STAMBPL1: variants seen among roughly 807,000 people sequenced by gnomAD.
STAMBPL1 encodes the protein STAM binding protein like 1, also known as AMSH-like protease.
In STAMBPL1, 44 loss-of-function variants were observed where a neutral mutation model predicts 52.9. The ratio of observed to expected loss-of-function variants is 0.83; its 90% confidence interval spans 0.65 to 1.07. The LOEUF (loss-of-function observed/expected upper bound fraction) is 1.07, where lower values mean the gene tolerates loss of function less well. Ranked by LOEUF, STAMBPL1 falls within the 50% of genes least tolerant of loss-of-function variation. The probability of loss-of-function intolerance (pLI) is 0.00; values close to 1 mark genes in which losing one functional copy is unlikely to be tolerated. For missense variants in STAMBPL1, 511 were observed against 520.8 expected, an observed-to-expected ratio of 0.98 and a Z score of 0.18; for synonymous variants, 164 against 177.3, an observed-to-expected ratio of 0.92 and a Z score of 0.60.
At chr10:88,919,438 A>T (rs76430793) in intron 8 of STAMBPL1, among the ~76,000 whole-genome samples, 1,547 of 152,308 alleles carry the variant, frequency 0.01, 24 homozygotes, top group African/African-American at 0.035. Context: ...ATTGGAATGG[A>T]CATAATTCCT....
intron 1 of STAMBPL1, among the ~76,000 whole-genome samples, chr10:88,892,629 G>A (rs1273157075): frequency 6.6e-6 from 1 of 152,150 alleles, no homozygotes; most frequent in Non-Finnish European, 1.5e-5. Flanking sequence ...ACTTTTTTCT[G>A]TTTCTGCCTA....
At chr10:88,887,883 T>C (rs1023682705) in intron 1 of STAMBPL1, among the ~76,000 whole-genome samples, 2 of 152,230 alleles carry the variant, frequency 1.3e-5, no homozygotes, top group African/African-American at 4.8e-5. Context: ...ACCACCCTTT[T>C]GAGAAGAATC....
intron 10 of STAMBPL1, among the ~76,000 whole-genome samples, chr10:88,922,962 A>C (rs1041440241): frequency 2.0e-5 from 3 of 152,146 alleles, no homozygotes; most frequent in African/African-American, 7.2e-5. Flanking sequence ...ATTTACTTAA[A>C]ATGAAAATTA....
At chr10:88,907,944 CATT>C (rs1308176683) in intron 3 of STAMBPL1, among the ~76,000 whole-genome samples, 1 of 152,152 alleles carries the variant, frequency 6.6e-6, no homozygotes, top group African/African-American at 2.4e-5. Flanking sequence ...ATTTACAGCT[CATT>C]ATGATTTATC....
At chr10:88,888,235 G>C (rs72809310) in intron 1 of STAMBPL1, among the ~76,000 whole-genome samples, 14,331 of 152,228 alleles carry the variant, frequency 0.094, 918 homozygotes, top group Non-Finnish European at 0.15. Flanking sequence ...AAGGGGAAAG[G>C]CTCAGATAAC....
chr10:88,887,242 A>G (rs1431472625), intron 1 of STAMBPL1, among the ~76,000 whole-genome samples: 3 of 152,226 alleles, frequency 2.0e-5, no homozygotes, highest in African/African-American at 7.2e-5. Flanking sequence ...CTAAATAAAT[A>G]AATTGATAAA....
intron 1 of STAMBPL1, among the ~76,000 whole-genome samples, chr10:88,894,370 T>G (rs1243460912): frequency 3.2e-5 from 3 of 92,722 alleles, no homozygotes; most frequent in East Asian, 3.2e-4. Flanking sequence ...TTTATACAGG[T>G]TTTTTTTTTG....
intron 6 of STAMBPL1, among the ~76,000 whole-genome samples, chr10:88,913,663 C>G (rs879552744): frequency 6.6e-6 from 1 of 151,980 alleles, no homozygotes; most frequent in Non-Finnish European, 1.5e-5. Flanking sequence ...ATGATGCCCC[C>G]GATAGAGCAG....
At chr10:88,897,569 G>A (rs940313787) in intron 1 of STAMBPL1, among the ~76,000 whole-genome samples, 14 of 152,178 alleles carry the variant, frequency 9.2e-5, no homozygotes, top group African/African-American at 2.9e-4. Context: ...AGAATGTGAG[G>A]TAGAGGTCAG....
At chr10:88,898,684 A>G (rs913312826) in intron 1 of STAMBPL1, among the ~76,000 whole-genome samples, 9 of 152,188 alleles carry the variant, frequency 5.9e-5, no homozygotes, top group Admixed American at 2.0e-4. Context: ...TGTTTAAGAT[A>G]TGTTTAAACA....
chr10:88,900,132 A>T (rs1484328459), intron 1 of STAMBPL1, among the ~76,000 whole-genome samples: 9 of 152,194 alleles, frequency 5.9e-5, no homozygotes, highest in African/African-American at 7.2e-5. Flanking sequence ...TGGAGGGGAA[A>T]GACTGGAATA....
chr10:88,901,827 C>T, intron 2 of STAMBPL1, 89 bp downstream of exon 2: 2 of 1,338,608 alleles, frequency 1.5e-6, no homozygotes, highest in Non-Finnish European at 2.1e-6. Context: ...GTCACAATTA[C>T]TTTAAGAAGT....
At chr10:88,903,494 A>AG (rs1844997372) in intron 2 of STAMBPL1, among the ~76,000 whole-genome samples, 1 of 152,244 alleles carries the variant, frequency 6.6e-6, no homozygotes, top group Non-Finnish European at 1.5e-5. Context: ...TACAGAAATA[A>AG]TTATAACTCA....
intron 1 of STAMBPL1, chr10:88,882,132 ATAAAG>A (rs1178706236): frequency 1.3e-5 from 2 of 152,234 alleles, no homozygotes; most frequent in Middle Eastern, 3.2e-3. Flanking sequence ...ATCCTCACCT[ATAAAG>A]TAAGCACCAA....
intron 1 of STAMBPL1, chr10:88,882,872 T>C (rs950499985): frequency 6.6e-6 from 1 of 152,162 alleles, no homozygotes; most frequent in Non-Finnish European, 1.5e-5. Flanking sequence ...TTTTTATTAT[T>C]ATTGTACTTT....
chr10:88,882,950 G>A (rs560630690), intron 1 of STAMBPL1: 3 of 151,772 alleles, frequency 2.0e-5, no homozygotes, highest in South Asian at 2.1e-4. Context: ...ATGTTGGTGT[G>A]CTGCACCCAT....
intron 1 of STAMBPL1, among the ~76,000 whole-genome samples, chr10:88,886,745 T>A (rs1057385045): frequency 6.6e-6 from 1 of 152,198 alleles, no homozygotes; most frequent in African/African-American, 2.4e-5. Context: ...GCCTGCCTGT[T>A]TTGCATTTGG....
intron 10 of STAMBPL1, 59 bp from the exon 11 acceptor site, chr10:88,923,109 A>G (rs1252072140): frequency 1.6e-6 from 2 of 1,238,974 alleles, no homozygotes; most frequent in Non-Finnish European, 2.3e-6. Flanking sequence ...AAAGAAAATC[A>G]TATGGTAAAC....
rs1589364015 is a variant in STAMBPL1, at chr10:88,901,713, A to G, written c.5A>G (p.Asp2Gly). 1 of 1,612,276 alleles carries G rather than the reference A, an allele frequency of 6.2e-7. No homozygotes were observed. Among genetic ancestry groups the G allele is most frequent in the Non-Finnish European group, 8.5e-7 (1 of 1,179,264 alleles). M[D>G]QPFTVNSLKK... ...TCATTTCACAGATAAGACAACATGGATCAGCCTTTTACTGTGAATTCTCTG... is the reference window on the plus strand; with the variant it reads ...TCATTTCACAGATAAGACAACATGGGTCAGCCTTTTACTGTGAATTCTCTG... Residue 2 changes from aspartate to glycine, a missense_variant, in exon 2 of 11, where the codon GAT becomes GGT. Asp to Gly is a moderately conservative substitution (Grantham distance 94). This residue lies in a region of STAMBPL1 where 358 missense variants were observed against 343.5 expected (regional missense o/e 1.04). Transcript: ENST00000371926.
Sources: allele counts gnomAD v4.1 joint callset (sites outside exome capture counted in the v4.1 genomes callset), GRCh38; gene constraint gnomAD v4.1.1; regional missense constraint gnomAD v4.1.1; transcripts MANE v1.5; gene names NCBI Gene and HGNC (gene_info 2026-07-23, HGNC 2026-07-21).